ITPR2: variants seen among roughly 807,000 people sequenced by gnomAD.
ITPR2 encodes inositol 1,4,5-trisphosphate-gated calcium channel ITPR2.
Under a neutral mutation model 317.1 loss-of-function variants are expected in ITPR2, and 207 were observed. The observed-to-expected ratio is 0.65, with a 90% CI of 0.58 to 0.73. The LOEUF is 0.73. Among genes scored for constraint, ITPR2 ranks in the 30% least tolerant of loss-of-function variants. The pLI, the probability that ITPR2 is intolerant of heterozygous loss-of-function variation, is 0.00. For synonymous variants in ITPR2, 1,156 were observed against 1,149.1 expected (o/e 1.01, Z -0.12); for missense variants, 2,613 against 3,284.0 (o/e 0.80, Z 4.99).
chr12:26,480,444 T>C (rs1223915810), intron 43 of ITPR2, among the ~76,000 whole-genome samples: 2 of 152,212 alleles, frequency 1.3e-5, no homozygotes, highest in East Asian at 1.9e-4. Context: ...AGCACTCCTT[T>C]GACTTTGTCT....
At chr12:26,389,638 T>C (rs748790540) in intron 54 of ITPR2, among the ~76,000 whole-genome samples, 2 of 152,322 alleles carry the variant, frequency 1.3e-5, no homozygotes, top group Non-Finnish European at 1.5e-5. Context: ...CTCAATGTGG[T>C]TTAACCTGAT....
rs1033007264 is a variant in ITPR2, at chr12:26,391,766, T to C, written c.7697-4172A>G. Among the ~76,000 whole-genome samples, 25 of 152,028 alleles carry C rather than the reference T, an allele frequency of 1.6e-4. No homozygotes were observed. The Middle Eastern group carries it at 0.01, about 62-fold the overall frequency. On this transcript the variant is annotated intron_variant, in intron 54 of 56. Coordinates refer to ENST00000381340, the MANE Select transcript of ITPR2 (RefSeq NM_002223.4). ...TTTTAGTAGAGATGGGGTTTCACCA[T>C]GTTGGCCAGGCTGGTCTTAAACTCC...
chr12:26,358,770 C>T (rs1000581854), intron 55 of ITPR2, among the ~76,000 whole-genome samples: 2 of 152,002 alleles, frequency 1.3e-5, no homozygotes, highest in African/African-American at 4.8e-5. Context: ...AGTCTCTGTC[C>T]CCCTCCCCTC....
At chr12:26,678,597 C>T (rs1947964486) in intron 13 of ITPR2, among the ~76,000 whole-genome samples, 1 of 152,158 alleles carries the variant, frequency 6.6e-6, no homozygotes, top group African/African-American at 2.4e-5. Flanking sequence ...ATAAGCTCTA[C>T]CTTACTGACA....
At chr12:26,468,631 A>G (rs1459116966) in intron 45 of ITPR2, among the ~76,000 whole-genome samples, 1 of 151,954 alleles carries the variant, frequency 6.6e-6, no homozygotes, top group African/African-American at 2.4e-5. Context: ...GGCAGAAATT[A>G]TCATTAACTT....
At chr12:26,467,771 T>C (rs1208430500) in intron 45 of ITPR2, among the ~76,000 whole-genome samples, 5 of 152,194 alleles carry the variant, frequency 3.3e-5, no homozygotes, top group Non-Finnish European at 5.9e-5. Context: ...ATTTCCTAGA[T>C]TGCATTTTTT....
At chr12:26,672,751 G>C (rs1263921691) in intron 13 of ITPR2, among the ~76,000 whole-genome samples, 1 of 152,076 alleles carries the variant, frequency 6.6e-6, no homozygotes. Context: ...AAAAATCAAT[G>C]AATCCAGGAG....
In ITPR2 at chr12:26,655,777, T is replaced by C. The variant is rs760239615; in HGVS notation, c.2520A>G (p.Glu840=). 1 of 1,612,854 alleles carries C rather than the reference T, an allele frequency of 6.2e-7. No homozygotes were observed. Residue 840 remains glutamate, a synonymous_variant, in exon 20 of 57, where the codon GAA becomes GAG. Coordinates refer to ENST00000381340, the MANE Select transcript of ITPR2 (RefSeq NM_002223.4). ...GCTGGTTTACAACTTCTTTCAAATA[T>C]TCTTCAACAAATTCCATTGTCAGGG... ...KFALTMEFVE[E]YLKEVVNQPF...
chr12:26,749,450 C>T (rs1215728358), intron 2 of ITPR2, among the ~76,000 whole-genome samples: 1 of 152,030 alleles, frequency 6.6e-6, no homozygotes, highest in Non-Finnish European at 1.5e-5. Context: ...CCTGAAGAAA[C>T]AATGAAATAC....
intron 13 of ITPR2, among the ~76,000 whole-genome samples, chr12:26,670,454 C>G (rs1947740856): frequency 6.6e-6 from 1 of 152,188 alleles, no homozygotes; most frequent in African/African-American, 2.4e-5. Flanking sequence ...TGGAGTGGAC[C>G]TCTAGCAAAC....
At chr12:26,548,429 T>C (rs80289492) in intron 37 of ITPR2, among the ~76,000 whole-genome samples, 9,919 of 152,190 alleles carry the variant, frequency 0.065, 413 homozygotes, top group African/African-American at 0.11. Flanking sequence ...TGATGGTTTC[T>C]GAAGGGCTCT....
rs145772755 is a variant in ITPR2, at chr12:26,675,721, A to G, written c.1409+6153T>C. 6.8e-5 allele frequency among the ~76,000 whole-genome samples: 10 copies of G among 146,662 alleles called. No homozygotes were observed. In the East Asian group the frequency reaches 2.1e-3, roughly 30 times the overall value. ...TAATAAAAAAAAAATTACCAAGTCA[A>G]GAAAAATTACCAGTGAAGAATAACA... On this transcript the variant is annotated intron_variant, in intron 13 of 56. Coordinates refer to ENST00000381340, the MANE Select transcript of ITPR2 (RefSeq NM_002223.4).
intron 13 of ITPR2, among the ~76,000 whole-genome samples, chr12:26,668,445 C>A (rs1020667968): frequency 6.6e-6 from 1 of 152,218 alleles, no homozygotes; most frequent in Non-Finnish European, 1.5e-5. Context: ...AGAACATGGA[C>A]TCTCAGCTCT....
chr12:26,695,511 C>T (rs1044709352), intron 10 of ITPR2, 95 bp downstream of exon 10: 2 of 1,007,534 alleles, frequency 2.0e-6, no homozygotes, highest in African/African-American at 3.2e-5. Flanking sequence ...TCTCTGAGCC[C>T]CTAGTCTTCA....
intron 21 of ITPR2, chr12:26,649,400 C>G (rs1024445132): frequency 6.6e-6 from 1 of 152,200 alleles, no homozygotes; most frequent in Non-Finnish European, 1.5e-5. Context: ...TCAAATATAA[C>G]CTGCAATCCA....
intron 37 of ITPR2, among the ~76,000 whole-genome samples, chr12:26,540,723 G>A (rs1032609362): frequency 6.6e-6 from 1 of 152,076 alleles, no homozygotes; most frequent in African/African-American, 2.4e-5. Flanking sequence ...TAATTTTTTT[G>A]TAATAATGAG....
chr12:26,367,861 A>C (rs1197406228), intron 55 of ITPR2, among the ~76,000 whole-genome samples: 1 of 152,140 alleles, frequency 6.6e-6, no homozygotes, highest in Non-Finnish European at 1.5e-5. Flanking sequence ...GATATCAACA[A>C]ATTTCTAGTC....
At chr12:26,727,139 T>G (rs1474644718) in intron 2 of ITPR2, among the ~76,000 whole-genome samples, 1 of 152,144 alleles carries the variant, frequency 6.6e-6, no homozygotes, top group African/African-American at 2.4e-5. Flanking sequence ...CTGGAAAATG[T>G]TTTCCTTGGC....
At chr12:26,781,892 G>A (rs370976507) in intron 2 of ITPR2, among the ~76,000 whole-genome samples, 11 of 151,162 alleles carry the variant, frequency 7.3e-5, no homozygotes, top group South Asian at 2.1e-4. Flanking sequence ...CTTCTGTGCC[G>A]GATGCTTCCT....
Sources: allele counts gnomAD v4.1 joint callset (sites outside exome capture counted in the v4.1 genomes callset), GRCh38; gene constraint gnomAD v4.1.1; transcripts MANE v1.5; gene names NCBI Gene and HGNC (gene_info 2026-07-23, HGNC 2026-07-21).